The following NRXN1 variants were observed in gnomAD, a reference collection of about 807,000 sequenced individuals.
NRXN1 encodes the protein neurexin 1.
NRXN1 carries 39 observed loss-of-function variants against 150.9 expected under a neutral mutation model. That is an observed-to-expected ratio of 0.26 (90% confidence interval 0.20 to 0.34). NRXN1 has a LOEUF of 0.34. Ranked by LOEUF, NRXN1 falls within the 10% of genes least tolerant of loss-of-function variation. The pLI is 1.00. For missense variants in NRXN1, 1,815 were observed against 1,949.9 expected, an observed-to-expected ratio of 0.93 and a Z score of 1.30; for synonymous variants, 924 against 757.0, an observed-to-expected ratio of 1.22 and a Z score of -3.62.
intron 18 of NRXN1, among the ~76,000 whole-genome samples, chr2:50,164,434 T>C (rs567586383): frequency 6.6e-6 from 1 of 152,340 alleles, no homozygotes; most frequent in South Asian, 2.1e-4. Context: ...TGGGAGGTCA[T>C]GCTTTTCTCT....
chr2:50,319,199 ATGTT>A (rs1186076969), intron 17 of NRXN1, among the ~76,000 whole-genome samples: 5 of 152,134 alleles, frequency 3.3e-5, no homozygotes, highest in African/African-American at 1.2e-4. Context: ...AAAGTTGAAA[ATGTT>A]TGTTTGTTTA....
At chr2:50,195,337 C>T (rs1444506338) in intron 18 of NRXN1, among the ~76,000 whole-genome samples, 1 of 152,134 alleles carries the variant, frequency 6.6e-6, no homozygotes, top group Non-Finnish European at 1.5e-5. Context: ...CCAGCTGCTT[C>T]TTGTCTCCTT....
chr2:50,170,658 A>G (rs2059972757), intron 18 of NRXN1, among the ~76,000 whole-genome samples: 1 of 152,084 alleles, frequency 6.6e-6, no homozygotes, highest in South Asian at 2.1e-4. Flanking sequence ...GGGATGCTCA[A>G]ATAGTGCAAA....
At chr2:50,266,434 CATT>C (rs1381875845) in intron 17 of NRXN1, among the ~76,000 whole-genome samples, 5 of 146,278 alleles carry the variant, frequency 3.4e-5, no homozygotes, top group Admixed American at 6.9e-5. Flanking sequence ...TTTATATATG[CATT>C]ATATTTTATT....
At chr2:50,722,618 T>C (rs532387380) in intron 5 of NRXN1, among the ~76,000 whole-genome samples, 1 of 152,326 alleles carries the variant, frequency 6.6e-6, no homozygotes, top group East Asian at 1.9e-4. Context: ...TATATTAATA[T>C]AAAAAGGTTA....
chr2:50,302,701 A>G (rs1045564534), intron 17 of NRXN1, among the ~76,000 whole-genome samples: 9 of 152,202 alleles, frequency 5.9e-5, no homozygotes, highest in Non-Finnish European at 1.2e-4. Flanking sequence ...AGCACCAAGC[A>G]CATGGCTGAA....
At chr2:50,040,007 T>C (rs1690676937) in intron 21 of NRXN1, among the ~76,000 whole-genome samples, 1 of 152,122 alleles carries the variant, frequency 6.6e-6, no homozygotes, top group South Asian at 2.1e-4. Flanking sequence ...CTGAGATTAG[T>C]ATTGGATAAT....
chr2:50,654,245 T>C (rs1352005204), intron 5 of NRXN1, among the ~76,000 whole-genome samples: 3 of 108,948 alleles, frequency 2.8e-5, no homozygotes, highest in Non-Finnish European at 6.2e-5. Context: ...GTTCTCATTG[T>C]TCAATTCCCA....
chr2:50,505,357 A>C (rs1312536737), intron 13 of NRXN1, among the ~76,000 whole-genome samples: 1 of 152,152 alleles, frequency 6.6e-6, no homozygotes, highest in Non-Finnish European at 1.5e-5. Flanking sequence ...TGTCCTATCT[A>C]CTTCATAGGA....
intron 18 of NRXN1, among the ~76,000 whole-genome samples, chr2:50,160,537 G>A (rs1371824413): frequency 4.0e-5 from 6 of 150,842 alleles, no homozygotes; most frequent in Non-Finnish European, 7.4e-5. Flanking sequence ...GCGAAATTTC[G>A]TCTCCAAAAA....
At chr2:50,889,221 G>C (rs1197863278) in intron 5 of NRXN1, among the ~76,000 whole-genome samples, 1 of 151,600 alleles carries the variant, frequency 6.6e-6, no homozygotes, top group Non-Finnish European at 1.5e-5. Flanking sequence ...CTTGAAATTG[G>C]CTTATATCAA....
chr2:50,279,541 T>C (rs2152931052), intron 17 of NRXN1, among the ~76,000 whole-genome samples: 1 of 152,260 alleles, frequency 6.6e-6, no homozygotes, highest in East Asian at 1.9e-4. Context: ...TTATCCTAGT[T>C]TAGGTAATTT....
intron 5 of NRXN1, among the ~76,000 whole-genome samples, chr2:50,780,196 C>T (rs1183011113): frequency 1.3e-5 from 2 of 152,090 alleles, no homozygotes; most frequent in Non-Finnish European, 2.9e-5. Flanking sequence ...ATATCCTACA[C>T]CCACTTTTCT....
intron 5 of NRXN1, among the ~76,000 whole-genome samples, chr2:50,648,327 C>G (rs1379387647): frequency 1.3e-5 from 2 of 151,964 alleles, no homozygotes; most frequent in Non-Finnish European, 2.9e-5. Flanking sequence ...TTCCATCATG[C>G]TTTTGTCAGG....
At chr2:50,392,451 T>C (rs1405703721) in intron 17 of NRXN1, among the ~76,000 whole-genome samples, 1 of 152,118 alleles carries the variant, frequency 6.6e-6, no homozygotes, top group Non-Finnish European at 1.5e-5. Context: ...GGAATAGAAA[T>C]GTCAATGCAT....
intron 5 of NRXN1, among the ~76,000 whole-genome samples, chr2:50,799,455 G>C (rs1333037780): frequency 2.0e-5 from 3 of 152,180 alleles, no homozygotes; most frequent in Non-Finnish European, 4.4e-5. Context: ...CAAAATCTGA[G>C]GTGGGCTGGG....
At chr2:50,446,330 C>A (rs2086397374) in intron 17 of NRXN1, among the ~76,000 whole-genome samples, 1 of 151,712 alleles carries the variant, frequency 6.6e-6, no homozygotes, top group Non-Finnish European at 1.5e-5. Context: ...TCCTTACTTC[C>A]TTCCCTCCTT....
intron 5 of NRXN1, among the ~76,000 whole-genome samples, chr2:50,861,142 G>C (rs1248433237): frequency 6.6e-6 from 1 of 152,026 alleles, no homozygotes; most frequent in Non-Finnish European, 1.5e-5. Context: ...TTATAGCTAT[G>C]AGATATCATC....
intron 17 of NRXN1, among the ~76,000 whole-genome samples, chr2:50,331,927 T>C (rs1055109019): frequency 3.9e-5 from 6 of 152,196 alleles, no homozygotes; most frequent in Non-Finnish European, 7.4e-5. Flanking sequence ...ATGCAAATTC[T>C]TGAGCCCTAC....
Sources: gnomAD v4.1 joint callset for allele counts (sites outside exome capture counted in the v4.1 genomes callset) on GRCh38, gnomAD v4.1.1 for gene constraint, MANE v1.5 for transcripts, NCBI Gene and HGNC (gene_info 2026-07-23, HGNC 2026-07-21) for gene names.